Variants in SLC30A6 observed in about 807,000 individuals in gnomAD.
The protein encoded by SLC30A6 is solute carrier family 30 member 6, also known as zinc transporter 6.
A neutral mutation model predicts 63.0 loss-of-function variants in SLC30A6; 55 were observed. The observed-to-expected ratio is 0.87, with a 90% confidence interval of 0.70 to 1.09. The LOEUF is 1.09. SLC30A6 is among the 50% of genes least tolerant of loss of function. The probability of loss-of-function intolerance (pLI) is 0.00; values close to 1 mark genes in which losing one functional copy is unlikely to be tolerated. For missense variants in SLC30A6, 587 were observed against 549.2 expected (o/e 1.07, Z -0.69); for synonymous variants, 224 against 186.1 (o/e 1.20, Z -1.66).
chr2:32,201,309 G>C (rs13011714), intron 10 of SLC30A6, among the ~76,000 whole-genome samples: 2 of 152,200 alleles, frequency 1.3e-5, no homozygotes, highest in Non-Finnish European at 2.9e-5. Context: ...TAGAACTTCA[G>C]CCAGTTTGAA....
intron 10 of SLC30A6, among the ~76,000 whole-genome samples, chr2:32,200,806 C>T (rs373666816): frequency 6.6e-6 from 1 of 150,538 alleles, no homozygotes; most frequent in Non-Finnish European, 1.5e-5. Flanking sequence ...TCCCCCTCTG[C>T]GAGAAACACC....
chr2:32,178,222 C>T (rs1189730896), intron 4 of SLC30A6, among the ~76,000 whole-genome samples: 1 of 152,054 alleles, frequency 6.6e-6, no homozygotes, highest in Non-Finnish European at 1.5e-5. Flanking sequence ...GCTGGGATTA[C>T]AGACGTGAGC....
chr2:32,223,981 G>C lies in SLC30A6; in HGVS notation c.*3268G>C, dbSNP rs1686281653. 1 of 152,204 alleles carries C rather than the reference G, an allele frequency of 6.6e-6. No individual in the cohort carries two copies. Among genetic ancestry groups the C allele is most frequent in the African/African-American group, 2.4e-5 (1 of 41,412 alleles). The allele number at this position is 152,204 out of a possible 1,614,324, so 9.4% of individuals were successfully genotyped here. ...GTTTGTAAACTTCCAAGTTTTGCTT[G>C]ACTAAAGAATGCTGATCTTTTTTGG... On this transcript the variant is annotated 3_prime_UTR_variant, in exon 14 of 14. Coordinates refer to ENST00000282587, the MANE Select transcript of SLC30A6 (RefSeq NM_017964.5).
chr2:32,203,451 T>A (rs1684471708), intron 10 of SLC30A6: 8 of 1,550,164 alleles, frequency 5.2e-6, no homozygotes, highest in Admixed American at 3.3e-5. Context: ...TCAGCTCAGA[T>A]ACTGACAGAA....
Position 32,184,341 on chromosome 2 carries a change from A to G in SLC30A6, c.284+3A>G. ...CCTAGCCCTGTCTATTCATTTGGGTAAGTTCAAATTATTTTATTTTCTGCT... is the reference window on the plus strand; with the variant it reads ...CCTAGCCCTGTCTATTCATTTGGGTGAGTTCAAATTATTTTATTTTCTGCT... On this transcript the variant is annotated splice_donor_region_variant and intron_variant, in intron 5 of 13. Coordinates refer to ENST00000282587, the MANE Select transcript of SLC30A6 (RefSeq NM_017964.5). 6.8e-7 allele frequency: 1 copy of G among 1,478,386 alleles called. No homozygotes were observed. Among genetic ancestry groups the G allele is most frequent in the Non-Finnish European group, 9.1e-7 (1 of 1,099,030 alleles). 91.6% of individuals were successfully genotyped at this position (1,478,386 alleles called of 1,614,324 possible).
intron 1 of SLC30A6, among the ~76,000 whole-genome samples, chr2:32,166,239 C>T (rs551250387): frequency 2.0e-4 from 30 of 151,904 alleles, no homozygotes; most frequent in Admixed American, 9.8e-4. Flanking sequence ...AACAAAAGAT[C>T]TGAAAACAAG....
rs144650403 is a variant in SLC30A6 at position 32,193,734 on chromosome 2, G to A, written c.402-155G>A. Among the ~76,000 whole-genome samples the A allele has an allele frequency of 3.3e-5, 5 of 152,288 alleles. No individual in the cohort carries two copies. The East Asian group carries it at 9.7e-4, about 29-fold the overall frequency. On this transcript the variant is annotated intron_variant, in intron 7 of 13. Coordinates refer to ENST00000282587, the MANE Select transcript of SLC30A6 (RefSeq NM_017964.5). ...CAGTAGATGGGACATGGGTGATGGG[G>A]CTAGTAACTAAGTTCAGATTCTGTA...
chr2:32,216,911 C>T lies in SLC30A6; in HGVS notation c.886-3302C>T, dbSNP rs1028831659. 4.6e-5 allele frequency among the ~76,000 whole-genome samples: 7 copies of T among 151,148 alleles called. No individual in the cohort carries two copies. In the East Asian group the frequency reaches 9.7e-4, roughly 21 times the overall value. ...TTTGAGGTCTGTTTTTTTTTTTAGACGAAGTCTAGCTCTGTCACCCAGGCT... is the reference window on the plus strand; with the variant it reads ...TTTGAGGTCTGTTTTTTTTTTTAGATGAAGTCTAGCTCTGTCACCCAGGCT... On this transcript the variant is annotated intron_variant, in intron 13 of 13. Coordinates refer to ENST00000282587, the MANE Select transcript of SLC30A6 (RefSeq NM_017964.5).
At chr2:32,171,178 A>T (rs1430275169) in intron 1 of SLC30A6, 109 bp from the exon 2 acceptor site, 3 of 779,930 alleles carry the variant, frequency 3.8e-6, no homozygotes, top group South Asian at 1.7e-5. Context: ...TATATTGAGT[A>T]CTTAATAAAT....
rs1278349297 is a variant in SLC30A6 at position 32,219,315 on chromosome 2, C to T, written c.886-898C>T. ...CCTCCCAAAGTGCTGGGATTACAGG[C>T]GTGAGTCACCACACCCAGCCCTTTC... On this transcript the variant is annotated intron_variant, in intron 13 of 13. Coordinates refer to ENST00000282587, the MANE Select transcript of SLC30A6 (RefSeq NM_017964.5). 4.0e-5 allele frequency among the ~76,000 whole-genome samples: 6 copies of T among 150,108 alleles called. No homozygotes were observed. In the South Asian group the frequency reaches 8.5e-4, roughly 21 times the overall value.
At chr2:32,195,592 T>C (rs1290606977) in intron 8 of SLC30A6, among the ~76,000 whole-genome samples, 1 of 151,746 alleles carries the variant, frequency 6.6e-6, no homozygotes, top group African/African-American at 2.4e-5. Flanking sequence ...CGAGAAGGAA[T>C]TATTTACTGG....
At chr2:32,219,022 C>G (rs1158625410) in intron 13 of SLC30A6, among the ~76,000 whole-genome samples, 1 of 152,116 alleles carries the variant, frequency 6.6e-6, no homozygotes, top group Non-Finnish European at 1.5e-5. Context: ...CTCTTTTTAA[C>G]CTTATTACCT....
chr2:32,192,189 C>G, intron 5 of SLC30A6, 147 bp from the exon 6 acceptor site: 1 of 583,884 alleles, frequency 1.7e-6, no homozygotes, highest in East Asian at 3.0e-5. Context: ...ATTCTAGAAA[C>G]CCTAATCTGC....
chr2:32,206,316 A>G (rs1684769486), intron 11 of SLC30A6, among the ~76,000 whole-genome samples: 1 of 151,840 alleles, frequency 6.6e-6, no homozygotes, highest in Admixed American at 6.6e-5. Flanking sequence ...CATGGTGGCG[A>G]GTGCCTGTAG....
chr2:32,216,061 T>C (rs1685677450), intron 13 of SLC30A6, among the ~76,000 whole-genome samples: 1 of 152,154 alleles, frequency 6.6e-6, no homozygotes. Context: ...TTATTTTCTT[T>C]TGGATATATA....
chr2:32,168,041 C>G (rs1480169823), intron 1 of SLC30A6, among the ~76,000 whole-genome samples: 2 of 152,152 alleles, frequency 1.3e-5, no homozygotes, highest in African/African-American at 2.4e-5. Context: ...CAATAAACAT[C>G]TGTTTTATAA....
chr2:32,169,636 G>A (rs997608545), intron 1 of SLC30A6, among the ~76,000 whole-genome samples: 10 of 152,140 alleles, frequency 6.6e-5, no homozygotes, highest in South Asian at 2.1e-4. Flanking sequence ...AAAATTAGCC[G>A]GGCGTGGTGG....
chr2:32,211,307 A>G (rs1171939342), intron 13 of SLC30A6, among the ~76,000 whole-genome samples: 1 of 152,210 alleles, frequency 6.6e-6, no homozygotes, highest in Admixed American at 6.5e-5. Context: ...TATTCTCTAA[A>G]TTCTTGAATG....
chr2:32,203,575 G>C, intron 10 of SLC30A6: 1 of 1,600,160 alleles, frequency 6.2e-7, no homozygotes, highest in Non-Finnish European at 8.6e-7. Flanking sequence ...CATGACTCTG[G>C]AAAGCCTAGA....
Sources: allele counts gnomAD v4.1 joint callset (sites outside exome capture counted in the v4.1 genomes callset), GRCh38; gene constraint gnomAD v4.1.1; transcripts MANE v1.5; gene names NCBI Gene and HGNC (gene_info 2026-07-23, HGNC 2026-07-21).